KLHL20: variants seen among roughly 807,000 people sequenced by gnomAD.
KLHL20 encodes the protein kelch-like protein 20.
KLHL20 carries 29 observed loss-of-function variants against 69.5 expected under a neutral mutation model. That is an observed-to-expected ratio of 0.42 (90% CI 0.31 to 0.57). The LOEUF (loss-of-function observed/expected upper bound fraction) is 0.57, where lower values mean the gene tolerates loss of function less well. KLHL20 is among the 20% of genes least tolerant of loss of function. The pLI is 0.18. For synonymous variants in KLHL20, 253 were observed against 265.2 expected (o/e 0.95, Z 0.45); for missense variants, 419 against 776.0 (o/e 0.54, Z 5.47).
chr1:173,770,135 A>G (rs1647993981), intron 8 of KLHL20, among the ~76,000 whole-genome samples: 1 of 152,184 alleles, frequency 6.6e-6, no homozygotes, highest in South Asian at 2.1e-4. Context: ...TAACATCTCT[A>G]CAGACAATAA....
intron 8 of KLHL20, among the ~76,000 whole-genome samples, chr1:173,769,515 G>A (rs181935041): frequency 6.6e-6 from 1 of 152,224 alleles, no homozygotes; most frequent in Admixed American, 6.5e-5. Flanking sequence ...TGGACTAGGC[G>A]CTGTGGCTCA....
At chr1:173,776,533 T>G (rs995873497) in intron 10 of KLHL20, among the ~76,000 whole-genome samples, 8 of 152,208 alleles carry the variant, frequency 5.3e-5, no homozygotes, top group African/African-American at 1.9e-4. Context: ...CAGTGTTTTC[T>G]TTTAGCAGTT....
At chr1:173,715,848 T>C (rs753204768) in intron 1 of KLHL20, among the ~76,000 whole-genome samples, 155 bp from the exon 2 acceptor site, 10 of 152,256 alleles carry the variant, frequency 6.6e-5, no homozygotes, top group African/African-American at 9.6e-5. Flanking sequence ...TTAAATGTAC[T>C]AGATTAAGTT....
chr1:173,742,376 G>A (rs1672844279), intron 3 of KLHL20, among the ~76,000 whole-genome samples: 1 of 151,980 alleles, frequency 6.6e-6, no homozygotes, highest in Non-Finnish European at 1.5e-5. Flanking sequence ...TTGTACTACA[G>A]GTGTACTGGA....
At chr1:173,766,647 GAAAAAAA>G (rs59947652) in intron 8 of KLHL20, among the ~76,000 whole-genome samples, 2 of 123,806 alleles carry the variant, frequency 1.6e-5, no homozygotes, top group African/African-American at 5.7e-5. Context: ...TATCAAGGGG[GAAAAAAA>G]AAAAAAAAAG....
At chr1:173,766,825 T>C (rs1647752067) in intron 8 of KLHL20, among the ~76,000 whole-genome samples, 1 of 152,136 alleles carries the variant, frequency 6.6e-6, no homozygotes, top group Middle Eastern at 3.2e-3. Flanking sequence ...ATTCACAGTG[T>C]ACAGCATGAT....
chr1:173,744,503 G>A (rs1458365758), intron 3 of KLHL20, among the ~76,000 whole-genome samples: 2 of 151,780 alleles, frequency 1.3e-5, no homozygotes, highest in Non-Finnish European at 2.9e-5. Flanking sequence ...AAAGTCAAAT[G>A]TATCAGTCTT....
chr1:173,719,423 C>G (rs1671617789), intron 2 of KLHL20, among the ~76,000 whole-genome samples: 2 of 151,844 alleles, frequency 1.3e-5, no homozygotes, highest in South Asian at 4.2e-4. Flanking sequence ...CCATCCTGGC[C>G]AAGATGGTGA....
intron 2 of KLHL20, among the ~76,000 whole-genome samples, chr1:173,728,767 C>G (rs1672103688): frequency 6.6e-6 from 1 of 152,016 alleles, no homozygotes; most frequent in African/African-American, 2.4e-5. Flanking sequence ...ATTTATAGCA[C>G]TAAATGCCCA....
At chr1:173,767,666 G>T (rs1647816911) in intron 8 of KLHL20, among the ~76,000 whole-genome samples, 1 of 152,050 alleles carries the variant, frequency 6.6e-6, no homozygotes. Flanking sequence ...CTCATATACT[G>T]AGCCATTTTT....
At chr1:173,770,640 A>G (rs1033038144) in intron 8 of KLHL20, among the ~76,000 whole-genome samples, 1 of 150,754 alleles carries the variant, frequency 6.6e-6, no homozygotes, top group African/African-American at 2.5e-5. Flanking sequence ...AGGTCGCACC[A>G]TTGAGCTCCA....
chr1:173,745,196 G>A (rs1343550550), intron 3 of KLHL20, among the ~76,000 whole-genome samples: 5 of 140,090 alleles, frequency 3.6e-5, no homozygotes, highest in Non-Finnish European at 7.6e-5. Context: ...TTTTGAGACG[G>A]AGTCTGGCTG....
chr1:173,739,427 CT>C (rs202229872), intron 3 of KLHL20, among the ~76,000 whole-genome samples: 3,843 of 151,044 alleles, frequency 0.025, 176 homozygotes, highest in African/African-American at 0.089. Context: ...TGGTCCTGGA[CT>C]TTTTTTTTGT....
In KLHL20 at chr1:173,756,015, G is replaced by C. The variant is rs189333090; in HGVS notation, c.944G>C (p.Arg315Pro). The change falls in exon 6 of 12, where the codon CGA becomes CCA. Residue 315 changes from arginine to proline, a missense_variant. Physicochemically the swap from Arg to Pro is moderately radical, Grantham distance 103. Coordinates refer to ENST00000209884, the MANE Select transcript of KLHL20 (RefSeq NM_014458.4). Reference protein sequence around the residue: ...GPRTRPRKPIRCGEVLFAVGG... With the variant: ...GPRTRPRKPIPCGEVLFAVGG... ...AGGACGAGACCACGGAAACCTATCC[G>C]ATGTGGGGAAGTACTCTTTGCAGGT... 5.6e-5 allele frequency: 91 copies of C among 1,613,632 alleles called. No individual in the cohort carries two copies. The highest frequency in any genetic ancestry group is 5.3e-5 in the Non-Finnish European group (63 of 1,179,648).
In KLHL20 at chr1:173,735,210, C is replaced by T. The variant is rs544488409; in HGVS notation, c.597+924C>T. ...CCTGTGATCCCAGCACTTTGGGAGG[C>T]TGAGGCGGGCAGATTGCATGAGCTC... On this transcript the variant is annotated intron_variant, in intron 3 of 11. Transcript: ENST00000209884. 4.6e-5 allele frequency among the ~76,000 whole-genome samples: 7 copies of T among 152,300 alleles called. No individual in the cohort carries two copies. In the East Asian group the frequency reaches 1.4e-3, roughly 29 times the overall value.
intron 7 of KLHL20, among the ~76,000 whole-genome samples, chr1:173,760,322 C>T (rs1673745320): frequency 6.6e-6 from 1 of 152,110 alleles, no homozygotes; most frequent in Non-Finnish European, 1.5e-5. Context: ...GAAAATATCC[C>T]CAGCCTTGTG....
At chr1:173,764,955 C>T (rs144816787) in intron 7 of KLHL20, among the ~76,000 whole-genome samples, 18 of 152,208 alleles carry the variant, frequency 1.2e-4, no homozygotes, top group Non-Finnish European at 1.8e-4. Flanking sequence ...TATGCCTTAA[C>T]AATTTAGCCT....
intron 10 of KLHL20, among the ~76,000 whole-genome samples, chr1:173,780,689 A>C (rs982299341): frequency 2.6e-4 from 39 of 152,082 alleles, no homozygotes; most frequent in African/African-American, 8.7e-4. Flanking sequence ...AGGTGGGAGG[A>C]TCACTTGAAC....
chr1:173,716,904 A>G (rs1671490712), intron 2 of KLHL20, among the ~76,000 whole-genome samples: 1 of 152,218 alleles, frequency 6.6e-6, no homozygotes, highest in African/African-American at 2.4e-5. Flanking sequence ...TTATTGGTTT[A>G]TCAATTGACC....
Sources: allele counts gnomAD v4.1 joint callset (sites outside exome capture counted in the v4.1 genomes callset), GRCh38; gene constraint gnomAD v4.1.1; transcripts MANE v1.5; gene names NCBI Gene and HGNC (gene_info 2026-07-23, HGNC 2026-07-21).